The following MIA3 variants were observed in gnomAD, a reference collection of about 807,000 sequenced individuals.
MIA3 encodes transport and Golgi organization protein 1 homolog.
MIA3 carries 90 observed loss-of-function variants against 192.4 expected under a neutral mutation model. That is an observed-to-expected ratio of 0.47 (90% confidence interval 0.39 to 0.56). The LOEUF (loss-of-function observed/expected upper bound fraction) is 0.56, where lower values mean the gene tolerates loss of function less well. Ranked by LOEUF, MIA3 falls within the 20% of genes least tolerant of loss-of-function variation. MIA3 has a pLI of 0.00. For missense variants in MIA3, 2,123 were observed against 2,269.4 expected (o/e 0.94, Z 1.31); for synonymous variants, 740 against 792.8 (o/e 0.93, Z 1.12).
rs777140500 is a variant in MIA3 at position 222,659,898 on chromosome 1, T to C, written c.4875-8T>C. On this transcript the variant is annotated splice_region_variant and splice_polypyrimidine_tract_variant and intron_variant, in intron 22 of 27. Transcript: ENST00000344922. ...CTCTTTCTTAAATATTCTTTCTCTA[T>C]ATTCAAGATTATTAGAATTAACACA... 1 of 1,605,542 alleles carries C rather than the reference T, an allele frequency of 6.2e-7. No individual in the cohort carries two copies. Among genetic ancestry groups the C allele is most frequent in the Non-Finnish European group, 8.5e-7 (1 of 1,173,242 alleles).
chr1:222,629,309 A>G lies in MIA3; in HGVS notation c.2089A>G (p.Met697Val), dbSNP rs775046285. Reference sequence around the variant, plus strand: ...TGAAGAGTTTTTTCATCACAAGGCAATGCAGGGCACAGAGGTAGGACAGAC... The same window carrying G: ...TGAAGAGTTTTTTCATCACAAGGCAGTGCAGGGCACAGAGGTAGGACAGAC... Reference protein sequence around the residue: ...LDEEFFHHKAMQGTEVGQTDQ... With the variant: ...LDEEFFHHKAVQGTEVGQTDQ... Residue 697 changes from methionine to valine, a missense_variant, in exon 4 of 28, where the codon ATG (methionine) becomes GTG (valine). Transcript: ENST00000344922. 1.2e-6 allele frequency: 2 copies of G among 1,614,236 alleles called. No individual in the cohort carries two copies. The highest frequency in any genetic ancestry group is 2.2e-5 in the South Asian group (2 of 91,088).
intron 27 of MIA3, chr1:222,664,964 G>C: frequency 2.2e-6 from 1 of 458,322 alleles, no homozygotes; most frequent in Non-Finnish European, 4.4e-6. Flanking sequence ...AGACGAGGCT[G>C]AGGCAGGTGG....
intron 18 of MIA3, among the ~76,000 whole-genome samples, chr1:222,655,184 A>G (rs1663653413): frequency 6.6e-6 from 1 of 152,268 alleles, no homozygotes; most frequent in Non-Finnish European, 1.5e-5. Flanking sequence ...TTAGTAGAAT[A>G]AAAACTTCAA....
chr1:222,625,589 T>G (rs1033238428), intron 3 of MIA3, among the ~76,000 whole-genome samples: 3 of 152,232 alleles, frequency 2.0e-5, no homozygotes, highest in Non-Finnish European at 1.5e-5. Context: ...ATTATAGTTA[T>G]AGATTTGGAA....
At chr1:222,623,461 T>A (rs1661970685) in intron 2 of MIA3, among the ~76,000 whole-genome samples, 1 of 152,202 alleles carries the variant, frequency 6.6e-6, no homozygotes, top group South Asian at 2.1e-4. Context: ...AACCTTATTC[T>A]TAGGAAATTA....
At chr1:222,658,445 C>T (rs1460513452) in intron 18 of MIA3, among the ~76,000 whole-genome samples, 1 of 152,214 alleles carries the variant, frequency 6.6e-6, no homozygotes, top group Admixed American at 6.5e-5. Context: ...AAGTGAGCAT[C>T]ATTTCAACCC....
In MIA3 at chr1:222,628,791, C is replaced by A. The variant is rs947516671; in HGVS notation, c.1571C>A (p.Thr524Lys). Residue 524 changes from threonine to lysine, a missense_variant, in exon 4 of 28, where the codon ACA becomes AAA. By Grantham distance (78) the Thr-to-Lys change is moderately conservative (BLOSUM62 -1). Around this residue, in one of 3 missense-constraint regions of MIA3, gnomAD observed 1,357 missense variants for 1,396.1 expected, o/e 0.97. Coordinates refer to ENST00000344922, the MANE Select transcript of MIA3 (RefSeq NM_198551.4). ...ACATTAAAATCAGCTTATGATGATA[C>A]AGAAAATGACCTAAAAGGAGCAGCT... is the stretch of plus-strand genomic sequence containing the variant. ...KDTLKSAYDDTENDLKGAAIH... is the reference protein window; with the variant it reads ...KDTLKSAYDDKENDLKGAAIH... 6.2e-7 allele frequency: 1 copy of A among 1,613,948 alleles called. No individual in the cohort carries two copies. The highest frequency in any genetic ancestry group is 8.5e-7 in the Non-Finnish European group (1 of 1,180,034).
chr1:222,659,071 G>C lies in MIA3; in HGVS notation c.4709+248G>C, dbSNP rs779119882. 4 of 446,784 alleles carry C rather than the reference G, an allele frequency of 9.0e-6. No homozygotes were observed. The Admixed American group carries it at 1.6e-4, about 18-fold the overall frequency. The allele number at this position is 446,784 out of a possible 1,614,324, so 27.7% of individuals were successfully genotyped here. A position where few individuals can be genotyped will look rare whatever the true frequency, so the allele number is the denominator to read the frequency against. Reference sequence around the variant, plus strand: ...AGGGGGTGGGAGCAGTTTGTTATATGATGTATCAAAAGCCATTAAAGTGAT... The same window carrying C: ...AGGGGGTGGGAGCAGTTTGTTATATCATGTATCAAAAGCCATTAAAGTGAT... On this transcript the variant is annotated intron_variant, in intron 19 of 27. Transcript: ENST00000344922.
intron 1 of MIA3, 57 bp downstream of exon 1, chr1:222,618,300 G>T: frequency 7.8e-7 from 1 of 1,287,642 alleles, no homozygotes; most frequent in Non-Finnish European, 9.9e-7. Context: ...GGTCTCCGCC[G>T]GCCCCGGGGG....
In MIA3 at chr1:222,652,031, G is replaced by C; in HGVS notation, c.3964G>C (p.Ala1322Pro). 6.4e-7 allele frequency: 1 copy of C among 1,569,490 alleles called. No homozygotes were observed. Among genetic ancestry groups the C allele is most frequent in the Non-Finnish European group, 8.8e-7 (1 of 1,139,538 alleles). ...EKLKDVISMN[A>P]SEFSEVQIAL... Reference sequence around the variant, plus strand: ...GTTAAAGGATGTTATTTCAATGAATGCCTCAGAATTTTCAGAGGTAAAGCT... The same window carrying C: ...GTTAAAGGATGTTATTTCAATGAATCCCTCAGAATTTTCAGAGGTAAAGCT... Residue 1322 changes from alanine to proline, a missense_variant, in exon 12 of 28, where the codon GCC becomes CCC. Coordinates refer to ENST00000344922, the MANE Select transcript of MIA3 (RefSeq NM_198551.4).
rs1273229168 is a variant in MIA3, at chr1:222,667,621, G to T, written c.*2002G>T. On this transcript the variant is annotated 3_prime_UTR_variant, in exon 28 of 28. Coordinates refer to ENST00000344922, the MANE Select transcript of MIA3 (RefSeq NM_198551.4). ...AGCTTCTCTGAGAAGTTGTGAGCCA[G>T]TCCATAACTGCTTCCTCACATCCAT... is the stretch of plus-strand genomic sequence containing the variant. 6.6e-6 allele frequency: 1 copy of T among 152,152 alleles called. No individual in the cohort carries two copies. Among genetic ancestry groups the T allele is most frequent in the Non-Finnish European group, 1.5e-5 (1 of 68,032 alleles). 9.4% of individuals were successfully genotyped at this position (152,152 alleles called of 1,614,324 possible).
chr1:222,655,755 G>A (rs992855522), intron 18 of MIA3, among the ~76,000 whole-genome samples: 10 of 152,090 alleles, frequency 6.6e-5, no homozygotes, highest in Admixed American at 2.0e-4. Flanking sequence ...ATAGTAATGT[G>A]AATTACGTAA....
intron 7 of MIA3, chr1:222,648,006 A>G (rs993702340): frequency 6.7e-6 from 2 of 296,816 alleles, no homozygotes; most frequent in Non-Finnish European, 1.4e-5. Flanking sequence ...TGGTGTTAGT[A>G]TCTCATCAAC....
At position 222,630,284 on chromosome 1, in the gene MIA3, C is replaced by T; in HGVS notation, c.3064C>T (p.Gln1022Ter). 6.2e-7 allele frequency: 1 copy of T among 1,614,182 alleles called. No homozygotes were observed. Among genetic ancestry groups the T allele is most frequent in the Non-Finnish European group, 8.5e-7 (1 of 1,180,026 alleles). Residue 1022 changes from glutamine (Q) to a stop codon, truncating the protein, a stop_gained, in exon 4 of 28, where the codon CAA (glutamine) becomes TAA (stop). Transcript: ENST00000344922. LOFTEE classifies it high-confidence loss of function. ...FEEAAVLDDI[Q>*]DLIYFVRYKH... ...AGAGGCTGCAGTGCTTGATGACATT[C>T]AAGACCTCATCTATTTTGTCAGGTA...
chr1:222,618,424 C>T (rs897262940), intron 1 of MIA3, among the ~76,000 whole-genome samples, 181 bp downstream of exon 1: 1 of 152,082 alleles, frequency 6.6e-6, no homozygotes, highest in Admixed American at 6.5e-5. Context: ...GCTCCGGGTC[C>T]CTGTGTCTGC....
rs1319583279 is a variant in MIA3, at chr1:222,628,716, T to C, written c.1496T>C (p.Val499Ala). 2.5e-6 allele frequency: 4 copies of C among 1,613,982 alleles called. No homozygotes were observed. Among genetic ancestry groups the C allele is most frequent in the Non-Finnish European group, 3.4e-6 (4 of 1,180,046 alleles). The change falls in exon 4 of 28, where the codon GTT (valine) becomes GCT (alanine). Residue 499 changes from valine to alanine, a missense_variant. By Grantham distance (64) the Val-to-Ala change is moderately conservative. Transcript: ENST00000344922. Reference sequence around the variant, plus strand: ...GAAGGCATGACTGTGCACAGTTCTGTTCACAGCAATAACCTCAACTCTATG... The same window carrying C: ...GAAGGCATGACTGTGCACAGTTCTGCTCACAGCAATAACCTCAACTCTATG... ...NQEGMTVHSS[V>A]HSNNLNSMPA...
At chr1:222,655,317 A>G (rs1212535302) in intron 18 of MIA3, among the ~76,000 whole-genome samples, 2 of 152,240 alleles carry the variant, frequency 1.3e-5, no homozygotes, top group Non-Finnish European at 2.9e-5. Flanking sequence ...TTTGGTGTGT[A>G]TATTTAGATA....
At position 222,662,251 on chromosome 1, in the gene MIA3, A is replaced by C; in HGVS notation, c.5183-2A>C. The C allele has an allele frequency of 6.2e-7, 1 of 1,613,728 alleles. No homozygotes were observed. The highest frequency in any genetic ancestry group is 8.5e-7 in the Non-Finnish European group (1 of 1,179,614). On this transcript the variant is annotated splice_acceptor_variant, in intron 25 of 27. Coordinates refer to ENST00000344922, the MANE Select transcript of MIA3 (RefSeq NM_198551.4). LOFTEE classifies it high-confidence loss of function. ...CTACATCAGTTCTCTGGTCTTTAAC[A>C]GATCCAGGATCTGGTACAGCTACCA...
Position 222,630,119 on chromosome 1 carries a change from C to A in MIA3, c.2899C>A (p.Leu967Met). 6.2e-7 allele frequency: 1 copy of A among 1,614,222 alleles called. No individual in the cohort carries two copies. Among genetic ancestry groups the A allele is most frequent in the Non-Finnish European group, 8.5e-7 (1 of 1,180,044 alleles). Residue 967 changes from leucine to methionine, a missense_variant, in exon 4 of 28, where the codon CTG (leucine) becomes ATG (methionine). By Grantham distance (15) the Leu-to-Met change is conservative. Transcript: ENST00000344922. ...ACTGAAGTCAGCGCAGCAGGAGAGC[C>A]TGCCCTATAATATGGAAAAAGTCCT... ...SKLKSAQQES[L>M]PYNMEKVLDK...
Sources: allele counts gnomAD v4.1 joint callset (sites outside exome capture counted in the v4.1 genomes callset), GRCh38; gene constraint gnomAD v4.1.1; regional missense constraint gnomAD v4.1.1; transcripts MANE v1.5; gene names NCBI Gene and HGNC (gene_info 2026-07-23, HGNC 2026-07-21).